FAM185A: variants seen among roughly 807,000 people sequenced by gnomAD.
FAM185A encodes the protein protein FAM185A.
In FAM185A, 21 loss-of-function variants were observed where a neutral mutation model predicts 45.7. That is an observed-to-expected ratio of 0.46 (90% CI 0.33 to 0.66). The LOEUF (loss-of-function observed/expected upper bound fraction) is 0.66. Ranked by LOEUF, FAM185A falls within the 30% of genes least tolerant of loss-of-function variation. The probability of loss-of-function intolerance (pLI) is 0.03; values close to 1 mark genes in which losing one functional copy is unlikely to be tolerated. For missense variants in FAM185A, 305 were observed against 485.4 expected (o/e 0.63, Z 3.49); for synonymous variants, 117 against 194.0 (o/e 0.60, Z 3.30).
the FAM185A span, among the ~76,000 whole-genome samples, chr7:102,825,287 T>C: frequency 6.6e-6 from 1 of 152,194 alleles, no homozygotes; most frequent in South Asian, 2.1e-4. Context: ...ATGAAGGCTC[T>C]GCTCTCATCA....
chr7:102,814,338 A>G, the FAM185A span: 1 of 152,140 alleles, frequency 6.6e-6, no homozygotes, highest in South Asian at 2.1e-4. Context: ...TGTTACCTTG[A>G]GTTATTAATT....
Position 102,787,367 on chromosome 7 carries a change from C to G in FAM185A, c.964C>G (p.Gln322Glu), listed in dbSNP as rs916226122. The change falls in exon 7 of 8, where the codon CAA (glutamine) becomes GAA (glutamate). Residue 322 changes from glutamine (Q) to glutamate (E), a missense_variant. By Grantham distance (29) the Gln-to-Glu change is conservative. Around this residue, in one of 5 missense-constraint regions of FAM185A, gnomAD observed 9 missense variants for 50.5 expected, o/e 0.18. Transcript: ENST00000413034. ...TATTGTCAAGGTCCCATCTTCACTTCAAGCTCATTTACAGTTATCAGGGAA... is the reference window on the plus strand; with the variant it reads ...TATTGTCAAGGTCCCATCTTCACTTGAAGCTCATTTACAGTTATCAGGGAA... Reference protein sequence around the residue: ...SIIVKVPSSLQAHLQLSGKEV... With the variant: ...SIIVKVPSSLEAHLQLSGKEV... 6.7e-7 allele frequency: 1 copy of G among 1,499,758 alleles called. No homozygotes were observed. The highest frequency in any genetic ancestry group is 1.4e-5 in the African/African-American group (1 of 71,340). The allele number at this position is 1,499,758 out of a possible 1,614,324, so 92.9% of individuals were successfully genotyped here. A position where few individuals can be genotyped will look rare whatever the true frequency, so the allele number is the denominator to read the frequency against.
chr7:102,793,292 A>G (rs1334277782), intron 7 of FAM185A, among the ~76,000 whole-genome samples: 2 of 152,146 alleles, frequency 1.3e-5, no homozygotes, highest in East Asian at 3.9e-4. Context: ...GCTCACTGCA[A>G]CCTCTGCCTC....
chr7:102,844,131 C>T, the FAM185A span, among the ~76,000 whole-genome samples: 1 of 152,184 alleles, frequency 6.6e-6, no homozygotes, highest in African/African-American at 2.4e-5. Flanking sequence ...AAATACTACC[C>T]ACTGCATTCT....
intron 4 of FAM185A, among the ~76,000 whole-genome samples, chr7:102,771,738 C>T (rs1794754925): frequency 2.0e-5 from 3 of 152,192 alleles, no homozygotes; most frequent in Non-Finnish European, 4.4e-5. Flanking sequence ...AATACTTACA[C>T]ATACAAACAC....
chr7:102,844,770 A>C, the FAM185A span, among the ~76,000 whole-genome samples: 1 of 152,178 alleles, frequency 6.6e-6, no homozygotes, highest in Non-Finnish European at 1.5e-5. Context: ...ATCCCAGTAG[A>C]TTTCAGATGC....
intron 7 of FAM185A, among the ~76,000 whole-genome samples, chr7:102,803,026 T>C (rs535012645): frequency 4.6e-5 from 7 of 151,992 alleles, no homozygotes; most frequent in Admixed American, 2.0e-4. Flanking sequence ...AAGCAGGAGA[T>C]TGAAGTGGTA....
the FAM185A span, among the ~76,000 whole-genome samples, chr7:102,832,122 C>A: frequency 6.6e-6 from 1 of 152,158 alleles, no homozygotes; most frequent in Non-Finnish European, 1.5e-5. Context: ...GGTGACAGGA[C>A]AATGGATATT....
the FAM185A span, chr7:102,832,853 G>T: frequency 6.2e-7 from 1 of 1,614,212 alleles, no homozygotes; most frequent in Non-Finnish European, 8.5e-7. Context: ...TGGACAGCCA[G>T]CAATGCTGAG....
chr7:102,826,565 A>C, the FAM185A span, among the ~76,000 whole-genome samples: 1 of 150,802 alleles, frequency 6.6e-6, no homozygotes, highest in African/African-American at 2.4e-5. Context: ...GTGAAACCCC[A>C]TATCTACAAA....
intron 2 of FAM185A, chr7:102,755,170 G>T (rs568908270): frequency 0.025 from 9,328 of 378,948 alleles, 95 homozygotes; most frequent in Non-Finnish European, 0.031. Context: ...GGAGGCCAAG[G>T]GGAAGAAGTT....
chr7:102,777,765 T>C (rs1363094836), intron 6 of FAM185A, among the ~76,000 whole-genome samples: 5 of 152,020 alleles, frequency 3.3e-5, no homozygotes, highest in Non-Finnish European at 1.5e-5. Context: ...GTTTTCAAAG[T>C]GTGATCCTTA....
intron 7 of FAM185A, among the ~76,000 whole-genome samples, chr7:102,800,482 C>T (rs987279328): frequency 4.6e-5 from 7 of 151,902 alleles, no homozygotes; most frequent in Admixed American, 2.0e-4. Context: ...CCCAATATAA[C>T]GAAATCCAAA....
At chr7:102,790,562 A>G (rs547931587) in intron 7 of FAM185A, among the ~76,000 whole-genome samples, 1 of 152,376 alleles carries the variant, frequency 6.6e-6, no homozygotes, top group African/African-American at 2.4e-5. Context: ...AATTATTTGC[A>G]TATGTAAGCA....
At chr7:102,807,545 CA>C (rs1012068457) in intron 7 of FAM185A, among the ~76,000 whole-genome samples, 94 of 129,326 alleles carry the variant, frequency 7.3e-4, no homozygotes, top group South Asian at 6.9e-3. Flanking sequence ...CTCCAATATT[CA>C]AAAAAAAAAA....
intron 7 of FAM185A, among the ~76,000 whole-genome samples, chr7:102,804,199 G>A (rs1358921147): frequency 1.3e-5 from 2 of 151,936 alleles, no homozygotes; most frequent in Non-Finnish European, 2.9e-5. Flanking sequence ...AATTCATATG[G>A]AACCAAAAAA....
chr7:102,771,094 G>A (rs1364716109), intron 4 of FAM185A, among the ~76,000 whole-genome samples: 3 of 152,048 alleles, frequency 2.0e-5, no homozygotes, highest in Non-Finnish European at 2.9e-5. Flanking sequence ...TATCCTAAGC[G>A]AATTAACACA....
chr7:102,759,314 G>A (rs1287950902), intron 3 of FAM185A, among the ~76,000 whole-genome samples: 7 of 151,848 alleles, frequency 4.6e-5, no homozygotes, highest in African/African-American at 1.7e-4. Flanking sequence ...TTTCCTCTCA[G>A]TTATTTATTT....
At chr7:102,834,103 AAAG>A in the FAM185A span, among the ~76,000 whole-genome samples, 186 of 103,024 alleles carry the variant, frequency 1.8e-3, 3 homozygotes, top group African/African-American at 5.9e-3. Flanking sequence ...AGAAAGAAAG[AAAG>A]AAAGAAAGAA....
Sources: allele counts gnomAD v4.1 joint callset (sites outside exome capture counted in the v4.1 genomes callset), GRCh38; gene constraint gnomAD v4.1.1; regional missense constraint gnomAD v4.1.1; transcripts MANE v1.5; gene names NCBI Gene and HGNC (gene_info 2026-07-23, HGNC 2026-07-21).